SP7: variants seen among roughly 807,000 people sequenced by gnomAD.
The protein encoded by SP7 is Sp7 transcription factor.
In SP7, 13 loss-of-function variants were observed where a neutral mutation model predicts 27.9. That is an observed-to-expected ratio of 0.47 (90% CI 0.30 to 0.74). The LOEUF (loss-of-function observed/expected upper bound fraction) is 0.74, where lower values mean the gene tolerates loss of function less well. Ranked by LOEUF, SP7 falls within the 30% of genes least tolerant of loss-of-function variation. SP7 has a pLI of 0.06. For missense variants in SP7, 525 were observed against 558.0 expected, an observed-to-expected ratio of 0.94 and a Z score of 0.60; for synonymous variants, 219 against 226.7, an observed-to-expected ratio of 0.97 and a Z score of 0.31.
chr12:53,330,892 TGA>T (rs1944696555), intron 2 of SP7, among the ~76,000 whole-genome samples: 2 of 152,064 alleles, frequency 1.3e-5, no homozygotes, highest in African/African-American at 4.8e-5. Context: ...ACTGGGACAT[TGA>T]GAGGGAACAG....
chr12:53,337,080 C>T (rs1460761486), upstream of SP7, among the ~76,000 whole-genome samples: 1 of 152,154 alleles, frequency 6.6e-6, no homozygotes, highest in Non-Finnish European at 1.5e-5. Flanking sequence ...CGACACCTAA[C>T]CTCTTTGGAT....
Position 53,327,598 on chromosome 12 carries a change from C to T in SP7, c.*548G>A, listed in dbSNP as rs1592529395. On this transcript the variant is annotated 3_prime_UTR_variant, in exon 3 of 3. Transcript: ENST00000536324. ...GATCAGATCCCCACTGGTCTGCCCC[C>T]CTCTTGGCACCCTCTGGCCAGGTCA... is the stretch of plus-strand genomic sequence containing the variant. 1 of 154,332 alleles carries T rather than the reference C, an allele frequency of 6.5e-6. No individual in the cohort carries two copies. The highest frequency in any genetic ancestry group is 2.4e-5 in the African/African-American group (1 of 41,482). 9.6% of individuals were successfully genotyped at this position (154,332 alleles called of 1,614,324 possible). A position where few individuals can be genotyped will look rare whatever the true frequency, so the allele number is the denominator to read the frequency against.
upstream of SP7, among the ~76,000 whole-genome samples, chr12:53,338,200 G>A (rs2886129): frequency 0.7 from 106,057 of 151,342 alleles, 37,898 homozygotes; most frequent in East Asian, 1. Flanking sequence ...AATTGTGTCC[G>A]CTGATTACAC....
In SP7 at chr12:53,335,819, C is replaced by T; in HGVS notation, c.-47-126G>A. On this transcript the variant is annotated intron_variant, in intron 1 of 2. Coordinates refer to ENST00000536324, the MANE Select transcript of SP7 (RefSeq NM_001173467.3). ...GGGGCTGCTCTCTGTCTGTAGGGAT[C>T]CACCCTCTAATTACAGCTTTCCCAG... 4.3e-6 allele frequency: 6 copies of T among 1,409,648 alleles called. No homozygotes were observed. In the South Asian group the frequency reaches 9.2e-5, roughly 22 times the overall value. 87.3% of individuals were successfully genotyped at this position (1,409,648 alleles called of 1,614,324 possible).
chr12:53,342,184 A>T (rs531883697), intron 1 of SP7, among the ~76,000 whole-genome samples: 1 of 151,760 alleles, frequency 6.6e-6, no homozygotes, highest in African/African-American at 2.4e-5. Context: ...AATCACTTGA[A>T]CCCAGAAGGC....
chr12:53,335,129 C>A (rs1374522238), intron 2 of SP7, among the ~76,000 whole-genome samples: 1 of 152,100 alleles, frequency 6.6e-6, no homozygotes. Context: ...AGCCCCCTCC[C>A]CACAAAACCA....
chr12:53,335,688 A>C lies in SP7; in HGVS notation c.-42T>G, dbSNP rs1944760684. The C allele has an allele frequency of 1.6e-6, 1 of 632,116 alleles. No individual in the cohort carries two copies. Among genetic ancestry groups the C allele is most frequent in the Non-Finnish European group, 2.3e-6 (1 of 444,112 alleles). 39.2% of individuals were successfully genotyped at this position (632,116 alleles called of 1,614,324 possible). ...GGGTCCCAAGGAGCCAGGCAGATGG[A>C]GAGAGCTGAGCCGGGGGGTGGGGGG... On this transcript the variant is annotated 5_prime_UTR_variant, in exon 2 of 3. Coordinates refer to ENST00000536324, the MANE Select transcript of SP7 (RefSeq NM_001173467.3).
At position 53,328,586 on chromosome 12, in the gene SP7, C is replaced by A. The variant is rs749464070; in HGVS notation, c.856G>T (p.Ala286Ser). 2 of 1,609,558 alleles carry A rather than the reference C, an allele frequency of 1.2e-6. No individual in the cohort carries two copies. Among genetic ancestry groups the A allele is most frequent in the Non-Finnish European group, 1.7e-6 (2 of 1,176,902 alleles). ...QELERLGAAA[A>S]GLRKKPIHSC... Reference sequence around the variant, plus strand: ...TGGATGGGCTTCTTCCGCAGCCCAGCCGCTGCTGCTCCCAGCCGCTCTAGC... The same window carrying A: ...TGGATGGGCTTCTTCCGCAGCCCAGACGCTGCTGCTCCCAGCCGCTCTAGC... The change falls in exon 3 of 3, where the codon GCT (alanine) becomes TCT (serine). Residue 286 changes from alanine (A) to serine (S), a missense_variant. By Grantham distance (99) the Ala-to-Ser change is moderately conservative (BLOSUM62 1). Transcript: ENST00000536324. This position sits in a 1 kb window ranked among gnomAD's most constrained non-coding sequence, Gnocchi z 5.1.
At position 53,327,109 on chromosome 12, in the gene SP7, A is replaced by G. The variant is rs1486468524; in HGVS notation, c.*1037T>C. The G allele has an allele frequency of 6.6e-6, 1 of 152,574 alleles. No homozygotes were observed. Among genetic ancestry groups the G allele is most frequent in the Non-Finnish European group, 1.5e-5 (1 of 68,044 alleles). 9.5% of individuals were successfully genotyped at this position (152,574 alleles called of 1,614,324 possible). ...TTAACCTGATGGGGTCATGGTGTCT[A>G]AGGGGTGGGGCAGTGGAGGAACCTG... On this transcript the variant is annotated 3_prime_UTR_variant, in exon 3 of 3. Transcript: ENST00000536324.
chr12:53,338,307 A>G (rs2136850830), upstream of SP7, among the ~76,000 whole-genome samples: 1 of 152,236 alleles, frequency 6.6e-6, no homozygotes, highest in African/African-American at 2.4e-5. Flanking sequence ...TCTGAGACTG[A>G]GGTGCCAGAT....
intron 1 of SP7, among the ~76,000 whole-genome samples, chr12:53,343,053 T>A (rs1233013693): frequency 6.6e-6 from 1 of 150,832 alleles, no homozygotes; most frequent in East Asian, 1.9e-4. Context: ...CCCAGCACTT[T>A]GGGAGGCTGA....
At chr12:53,340,816 A>T (rs978472588), upstream of SP7, among the ~76,000 whole-genome samples, 30 of 152,150 alleles carry the variant, frequency 2.0e-4, no homozygotes, top group African/African-American at 6.5e-4. Context: ...AGGAAACAAC[A>T]AATGGTGGGC....
chr12:53,332,875 C>T (rs1481797229), intron 2 of SP7, among the ~76,000 whole-genome samples: 3 of 152,132 alleles, frequency 2.0e-5, no homozygotes, highest in Non-Finnish European at 4.4e-5. Flanking sequence ...CTGCCCAGCC[C>T]GGCTCCGATG....
intron 2 of SP7, 126 bp from the exon 3 acceptor site, chr12:53,329,546 G>A (rs947855585): frequency 3.7e-6 from 3 of 802,716 alleles, no homozygotes; most frequent in African/African-American, 3.5e-5. Context: ...GAGTTGAAGA[G>A]GGTGGAGAAT....
At chr12:53,338,106 C>CAGA (rs767126357), upstream of SP7, among the ~76,000 whole-genome samples, 16,060 of 136,152 alleles carry the variant, frequency 0.12, 1,498 homozygotes, top group Non-Finnish European at 0.17. Flanking sequence ...TAGCCAGGTC[C>CAGA]GGAGGAGGAG....
At chr12:53,338,109 AG>A (rs58920270), upstream of SP7, among the ~76,000 whole-genome samples, 1,904 of 136,006 alleles carry the variant, frequency 0.014, 54 homozygotes, top group African/African-American at 0.053. Flanking sequence ...CCAGGTCCGG[AG>A]GAGGAGGAGG....
intron 2 of SP7, among the ~76,000 whole-genome samples, chr12:53,334,527 G>T (rs556838846): frequency 2.6e-5 from 4 of 152,150 alleles, no homozygotes; most frequent in Non-Finnish European, 5.9e-5. Context: ...GCACCCCTGG[G>T]CCTGAGCTAG....
chr12:53,343,384 G>A (rs1485763251), intron 1 of SP7, among the ~76,000 whole-genome samples: 3 of 152,124 alleles, frequency 2.0e-5, no homozygotes, highest in African/African-American at 4.8e-5. Flanking sequence ...GAGAATACTC[G>A]TATATTAGAG....
At chr12:53,338,326 G>A (rs929538702), upstream of SP7, among the ~76,000 whole-genome samples, 13 of 152,120 alleles carry the variant, frequency 8.5e-5, no homozygotes, top group African/African-American at 2.9e-4. Context: ...ATGGCTTTCC[G>A]GGGCCCCGAA....
Sources: gnomAD v4.1 joint callset for allele counts (sites outside exome capture counted in the v4.1 genomes callset) on GRCh38, gnomAD v4.1.1 for gene constraint, Gnocchi (gnomAD v3.1) non-coding constraint, MANE v1.5 for transcripts, NCBI Gene and HGNC (gene_info 2026-07-23, HGNC 2026-07-21) for gene names.